CYP2J2: variants seen among roughly 807,000 people sequenced by gnomAD.
CYP2J2 encodes the protein cytochrome P450 family 2 subfamily J member 2.
Under a neutral mutation model 48.8 loss-of-function variants are expected in CYP2J2, and 41 were observed. The observed-to-expected ratio is 0.84, with a 90% CI of 0.66 to 1.09. CYP2J2 has a LOEUF of 1.09. CYP2J2 is among the 50% of genes least tolerant of loss of function. CYP2J2 has a pLI of 0.00. For synonymous variants in CYP2J2, 221 were observed against 227.1 expected (o/e 0.97, Z 0.24); for missense variants, 644 against 617.3 (o/e 1.04, Z -0.46).
At chr1:59,936,970 A>G in the CYP2J2 span, among the ~76,000 whole-genome samples, 1 of 152,252 alleles carries the variant, frequency 6.6e-6, no homozygotes, top group African/African-American at 2.4e-5. Flanking sequence ...AGAGTACTGA[A>G]TATTAGCTCA....
intron 1 of CYP2J2, among the ~76,000 whole-genome samples, chr1:59,924,143 A>C (rs781729351): frequency 5.9e-5 from 9 of 152,180 alleles, no homozygotes; most frequent in Non-Finnish European, 1.2e-4. Context: ...CAAAAAGAAG[A>C]AGCATAAACT....
At chr1:59,902,578 G>C (rs1644330127) in intron 7 of CYP2J2, among the ~76,000 whole-genome samples, 1 of 151,950 alleles carries the variant, frequency 6.6e-6, no homozygotes, top group Non-Finnish European at 1.5e-5. Context: ...ACCACGCCTG[G>C]CTAGTTTTTA....
At chr1:59,917,387 A>G (rs1217616706) in intron 1 of CYP2J2, among the ~76,000 whole-genome samples, 1 of 152,206 alleles carries the variant, frequency 6.6e-6, no homozygotes, top group East Asian at 1.9e-4. Flanking sequence ...ATTTTATCTC[A>G]TTAATCTCAC....
At chr1:59,898,062 A>C (rs541051367) in intron 8 of CYP2J2, among the ~76,000 whole-genome samples, 1 of 152,340 alleles carries the variant, frequency 6.6e-6, no homozygotes, top group African/African-American at 2.4e-5. Context: ...GCCTTCTATG[A>C]ATTTCATTCT....
upstream of CYP2J2, among the ~76,000 whole-genome samples, chr1:59,927,584 T>G (rs761030552): frequency 2.6e-4 from 40 of 152,128 alleles, no homozygotes; most frequent in Non-Finnish European, 4.6e-4. Context: ...TTACAATATT[T>G]TATTTTATTT....
the CYP2J2 span, among the ~76,000 whole-genome samples, chr1:59,960,498 C>T: frequency 2.0e-5 from 3 of 152,134 alleles, no homozygotes; most frequent in African/African-American, 7.2e-5. Context: ...CAGTCTTTGA[C>T]CACTGCATAC....
chr1:59,911,959 C>G (rs1290034956), intron 3 of CYP2J2, among the ~76,000 whole-genome samples, 191 bp from the exon 4 acceptor site: 1 of 152,144 alleles, frequency 6.6e-6, no homozygotes, highest in Admixed American at 6.5e-5. Flanking sequence ...AACTGCGGAC[C>G]AGGGCTTAAA....
rs1047940149 is a variant in CYP2J2, at chr1:59,917,680, G to A, written c.211-1580C>T. On this transcript the variant is annotated intron_variant, in intron 1 of 8. Transcript: ENST00000371204. The stretch of plus-strand genomic sequence containing the variant: ...TATGTTCATGAATGTGCACAAGTGT[G>A]CAAATATCTGCAAATGTAGGTTGGA... Among the ~76,000 whole-genome samples the A allele has an allele frequency of 4.6e-5, 7 of 152,202 alleles. No individual in the cohort carries two copies. The South Asian group carries it at 1.4e-3, about 32-fold the overall frequency.
the CYP2J2 span, among the ~76,000 whole-genome samples, chr1:59,958,111 T>C: frequency 6.6e-6 from 1 of 152,254 alleles, no homozygotes; most frequent in African/African-American, 2.4e-5. Context: ...AAGCTAAAAT[T>C]AGAACTGATT....
chr1:59,908,065 T>G (rs554639929), intron 5 of CYP2J2, 138 bp from the exon 6 acceptor site: 1 of 774,892 alleles, frequency 1.3e-6, no homozygotes, highest in South Asian at 1.7e-5. Flanking sequence ...TTTGGCCTCT[T>G]CAGAAGGCAG....
the CYP2J2 span, among the ~76,000 whole-genome samples, chr1:59,948,235 T>G: frequency 6.6e-6 from 1 of 152,204 alleles, no homozygotes; most frequent in Non-Finnish European, 1.5e-5. Flanking sequence ...GTGGTCTCCT[T>G]GCATCCATTC....
chr1:59,949,163 A>G, the CYP2J2 span, among the ~76,000 whole-genome samples: 376 of 152,308 alleles, frequency 2.5e-3, no homozygotes, highest in African/African-American at 8.7e-3. Flanking sequence ...TATTACTGAC[A>G]TACTTGATCT....
chr1:59,969,027 G>A, the CYP2J2 span, among the ~76,000 whole-genome samples: 1 of 152,130 alleles, frequency 6.6e-6, no homozygotes, highest in South Asian at 2.1e-4. Context: ...AAGGCAGTGC[G>A]TCTGGAGTTG....
At chr1:59,948,061 G>T in the CYP2J2 span, among the ~76,000 whole-genome samples, 2 of 152,268 alleles carry the variant, frequency 1.3e-5, no homozygotes, top group East Asian at 1.9e-4. Context: ...TTCTCTGTCA[G>T]GATGAAAATG....
the CYP2J2 span, among the ~76,000 whole-genome samples, chr1:59,963,288 T>G: frequency 2.6e-5 from 4 of 152,206 alleles, no homozygotes; most frequent in South Asian, 8.3e-4. Flanking sequence ...ATCAGCACTA[T>G]GTAATCCCAA....
rs765513302 is a variant in CYP2J2 at position 59,912,113 on chromosome 1, A to G, written c.523+49T>C. ...TACTCACTTAGTAAGTATCTGTCCA[A>G]TGAACAAATGGGCCACAGTCTCTCA... On this transcript the variant is annotated intron_variant, in intron 3 of 8. Transcript: ENST00000371204. 2.0e-5 allele frequency: 32 copies of G among 1,564,608 alleles called. No homozygotes were observed. The Middle Eastern group carries it at 5.1e-4, about 25-fold the overall frequency.
chr1:59,958,825 T>C, the CYP2J2 span, among the ~76,000 whole-genome samples: 67 of 152,300 alleles, frequency 4.4e-4, no homozygotes, highest in African/African-American at 1.4e-3. Context: ...GACCATGCAA[T>C]TGTCTCTATG....
At chr1:59,940,717 G>C in the CYP2J2 span, among the ~76,000 whole-genome samples, 1 of 152,126 alleles carries the variant, frequency 6.6e-6, no homozygotes, top group African/African-American at 2.4e-5. Context: ...TATATCTATT[G>C]ATCTGTTAGT....
chr1:59,966,000 A>T, the CYP2J2 span, among the ~76,000 whole-genome samples: 1 of 152,134 alleles, frequency 6.6e-6, no homozygotes, highest in Non-Finnish European at 1.5e-5. Flanking sequence ...ATTTTATGTT[A>T]GTTGAGTAAA....
Sources: allele counts gnomAD v4.1 joint callset (sites outside exome capture counted in the v4.1 genomes callset), GRCh38; gene constraint gnomAD v4.1.1; transcripts MANE v1.5; gene names NCBI Gene and HGNC (gene_info 2026-07-23, HGNC 2026-07-21).